ARHGEF12: variants seen among roughly 807,000 people sequenced by gnomAD.
The protein encoded by ARHGEF12 is Rho guanine nucleotide exchange factor 12, also known as KMT2A/ARHGEF12 fusion protein.
A neutral mutation model predicts 211.2 loss-of-function variants in ARHGEF12; 66 were observed. The ratio of observed to expected loss-of-function variants is 0.31; its 90% confidence interval spans 0.26 to 0.38. ARHGEF12 has a LOEUF of 0.38. Among genes scored for constraint, ARHGEF12 ranks in the 10% least tolerant of loss-of-function variants. ARHGEF12 has a pLI of 1.00. For missense variants in ARHGEF12, 1,429 were observed against 1,869.5 expected, an observed-to-expected ratio of 0.76 and a Z score of 4.34; for synonymous variants, 592 against 638.4, an observed-to-expected ratio of 0.93 and a Z score of 1.09.
chr11:120,429,285 C>G (rs1053940421), intron 8 of ARHGEF12, among the ~76,000 whole-genome samples, 155 bp from the exon 9 acceptor site: 3 of 152,196 alleles, frequency 2.0e-5, no homozygotes, highest in Admixed American at 6.5e-5. Flanking sequence ...AGTGTCATGT[C>G]TGAAAGCCTG....
At chr11:120,437,445 T>A in intron 12 of ARHGEF12, 63 bp downstream of exon 12, 1 of 1,194,032 alleles carries the variant, frequency 8.4e-7, no homozygotes, top group Non-Finnish European at 1.2e-6. Context: ...TAAAGTATGG[T>A]ATAGACACAT....
chr11:120,369,679 G>C (rs1267350882), intron 1 of ARHGEF12, among the ~76,000 whole-genome samples: 1 of 152,138 alleles, frequency 6.6e-6, no homozygotes, highest in East Asian at 1.9e-4. Context: ...TTAAAAGAAG[G>C]AAAACACCTG....
intron 9 of ARHGEF12, 50 bp downstream of exon 9, chr11:120,429,567 G>T: frequency 6.3e-7 from 1 of 1,591,312 alleles, no homozygotes; most frequent in South Asian, 1.1e-5. Flanking sequence ...AATGTGAGTG[G>T]GCATGGTTGA....
chr11:120,441,645 C>A, intron 13 of ARHGEF12, 62 bp from the exon 14 acceptor site: 1 of 1,328,182 alleles, frequency 7.5e-7, no homozygotes, highest in Non-Finnish European at 1.1e-6. Context: ...TTCAATTGAG[C>A]CTACTTTGCA....
At chr11:120,470,983 G>A (rs1426194722) in intron 30 of ARHGEF12, among the ~76,000 whole-genome samples, 2 of 152,200 alleles carry the variant, frequency 1.3e-5, no homozygotes, top group Non-Finnish European at 2.9e-5. Context: ...CCCTGGTATA[G>A]ATGAGCTGGC....
At chr11:120,345,337 T>C (rs1036653352) in intron 1 of ARHGEF12, among the ~76,000 whole-genome samples, 1 of 152,154 alleles carries the variant, frequency 6.6e-6, no homozygotes, top group Non-Finnish European at 1.5e-5. Context: ...CCTTTGAGAT[T>C]AGTAACTGTA....
At chr11:120,356,702 T>G (rs1170736576) in intron 1 of ARHGEF12, among the ~76,000 whole-genome samples, 1 of 152,182 alleles carries the variant, frequency 6.6e-6, no homozygotes, top group Non-Finnish European at 1.5e-5. Flanking sequence ...GCTTCCTGGA[T>G]TACTTGGTTT....
At chr11:120,361,283 C>T (rs1240735167) in intron 1 of ARHGEF12, among the ~76,000 whole-genome samples, 2 of 152,176 alleles carry the variant, frequency 1.3e-5, no homozygotes, top group Admixed American at 1.3e-4. Context: ...GCATTAGATT[C>T]TCATAGGAGT....
chr11:120,442,397 G>A (rs1461658191), intron 15 of ARHGEF12, among the ~76,000 whole-genome samples, 195 bp downstream of exon 15: 1 of 146,046 alleles, frequency 6.8e-6, no homozygotes, highest in Admixed American at 6.9e-5. Context: ...AATTCTCACA[G>A]TAGGTTTTAG....
At chr11:120,342,317 A>C (rs1184396616) in intron 1 of ARHGEF12, among the ~76,000 whole-genome samples, 1 of 152,222 alleles carries the variant, frequency 6.6e-6, no homozygotes, top group Non-Finnish European at 1.5e-5. Flanking sequence ...ACTGAAGCAC[A>C]GTCTGATAGA....
At chr11:120,412,120 A>C (rs1418453733) in intron 4 of ARHGEF12, among the ~76,000 whole-genome samples, 2 of 152,146 alleles carry the variant, frequency 1.3e-5, no homozygotes, top group Admixed American at 6.5e-5. Flanking sequence ...AGAGTCTATT[A>C]AACGTGTATG....
intron 1 of ARHGEF12, among the ~76,000 whole-genome samples, chr11:120,351,457 T>A (rs1326666337): frequency 0.065 from 255 of 3,946 alleles, no homozygotes; most frequent in Non-Finnish European, 0.076. Flanking sequence ...ATATATATAT[T>A]TTTTTTTTTT....
At chr11:120,454,676 G>T (rs1202647819) in intron 22 of ARHGEF12, among the ~76,000 whole-genome samples, 1 of 152,222 alleles carries the variant, frequency 6.6e-6, no homozygotes, top group Non-Finnish European at 1.5e-5. Context: ...CTTAACTGGG[G>T]CTGGGGAACC....
chr11:120,445,891 C>T lies in ARHGEF12; in HGVS notation c.1345+427C>T, dbSNP rs181755471. Among the ~76,000 whole-genome samples, 7 of 150,176 alleles carry T rather than the reference C, an allele frequency of 4.7e-5. No individual in the cohort carries two copies. In the East Asian group the frequency reaches 1.4e-3, roughly 30 times the overall value. On this transcript the variant is annotated intron_variant, in intron 16 of 40. Transcript: ENST00000397843. ...TCCAGCCTGGGTGATAAGAGCAAAA[C>T]TCTGTCTCAAAAAAAATAATAATAT...
At chr11:120,346,772 C>T (rs533839549) in intron 1 of ARHGEF12, among the ~76,000 whole-genome samples, 19 of 152,176 alleles carry the variant, frequency 1.2e-4, no homozygotes, top group African/African-American at 4.1e-4. Flanking sequence ...CCCTTGTTCC[C>T]TTTATTACTC....
rs1942346255 is a variant in ARHGEF12, at chr11:120,336,443, G to A, written c.-801G>A. 6.6e-6 allele frequency among the ~76,000 whole-genome samples: 1 copy of A among 151,574 alleles called. No individual in the cohort carries two copies. The highest frequency in any genetic ancestry group is 2.4e-5 in the African/African-American group (1 of 41,332). On this transcript the variant is annotated 5_prime_UTR_variant, in exon 1 of 41. Transcript: ENST00000397843. ...CCGGCGAGCCGGCCCTGCGCCGGGAGACGCCGCCGCCTCCGCCTCCCGGAC... is the reference window on the plus strand; with the variant it reads ...CCGGCGAGCCGGCCCTGCGCCGGGAAACGCCGCCGCCTCCGCCTCCCGGAC...
At position 120,477,561 on chromosome 11, in the gene ARHGEF12, C is replaced by T. The variant is rs1161331872; in HGVS notation, c.3532+35C>T. On this transcript the variant is annotated intron_variant, in intron 36 of 40. Coordinates refer to ENST00000397843, the MANE Select transcript of ARHGEF12 (RefSeq NM_015313.3). Reference sequence around the variant, plus strand: ...TCTGAAGAGTTCAATGGAGAATGTGCTCTATTATCTGTTAAAATGCTGGCC... The same window carrying T: ...TCTGAAGAGTTCAATGGAGAATGTGTTCTATTATCTGTTAAAATGCTGGCC... 4 of 1,574,286 alleles carry T rather than the reference C, an allele frequency of 2.5e-6. No homozygotes were observed. In the Admixed American group the frequency reaches 5.2e-5, roughly 20 times the overall value.
intron 6 of ARHGEF12, among the ~76,000 whole-genome samples, chr11:120,423,119 T>A (rs1295938152): frequency 6.6e-6 from 1 of 152,114 alleles, no homozygotes; most frequent in Non-Finnish European, 1.5e-5. Flanking sequence ...GGCAGTTCCC[T>A]AAAGTAACTG....
intron 1 of ARHGEF12, among the ~76,000 whole-genome samples, chr11:120,391,265 A>G (rs1944208396): frequency 2.0e-5 from 3 of 152,204 alleles, no homozygotes. Context: ...GTTCCACAGA[A>G]TGATTTTTTT....
Sources: allele counts gnomAD v4.1 joint callset (sites outside exome capture counted in the v4.1 genomes callset), GRCh38; gene constraint gnomAD v4.1.1; transcripts MANE v1.5; gene names NCBI Gene and HGNC (gene_info 2026-07-23, HGNC 2026-07-21).